The following ROBO1 variants were observed in gnomAD, a reference collection of about 807,000 sequenced individuals.
The protein encoded by ROBO1 is roundabout homolog 1.
A neutral mutation model predicts 195.9 loss-of-function variants in ROBO1; 149 were observed. That is an observed-to-expected ratio of 0.76 (90% CI 0.67 to 0.87). ROBO1 has a LOEUF of 0.87. Ranked by LOEUF, ROBO1 falls within the 40% of genes least tolerant of loss-of-function variation. The pLI, the probability that ROBO1 is intolerant of heterozygous loss-of-function variation, is 0.00. For missense variants in ROBO1, 1,933 were observed against 2,068.3 expected, an observed-to-expected ratio of 0.93 and a Z score of 1.27; for synonymous variants, 816 against 733.2, an observed-to-expected ratio of 1.11 and a Z score of -1.82.
intron 4 of ROBO1, among the ~76,000 whole-genome samples, chr3:78,809,296 C>CA (rs2084651955): frequency 6.6e-6 from 1 of 152,072 alleles, no homozygotes; most frequent in Non-Finnish European, 1.5e-5. Context: ...TATGAGATGC[C>CA]ATCACATCAG....
chr3:79,115,887 C>G (rs1256005454), intron 3 of ROBO1, among the ~76,000 whole-genome samples: 1 of 151,920 alleles, frequency 6.6e-6, no homozygotes, highest in Admixed American at 6.6e-5. Flanking sequence ...TTGCTTCCAA[C>G]AAAAAAATTA....
At chr3:79,548,966 G>T (rs76828671) in intron 2 of ROBO1, among the ~76,000 whole-genome samples, 3,814 of 152,170 alleles carry the variant, frequency 0.025, 78 homozygotes, top group Non-Finnish European at 0.037. Flanking sequence ...AGAGAATCTG[G>T]GGTCATTGCC....
chr3:79,736,672 A>G (rs1703402813), intron 1 of ROBO1, among the ~76,000 whole-genome samples: 1 of 152,142 alleles, frequency 6.6e-6, no homozygotes, highest in African/African-American at 2.4e-5. Context: ...ATGTCAGGCT[A>G]CTCCTGAGAT....
chr3:78,734,272 T>C (rs1299384377), intron 5 of ROBO1, among the ~76,000 whole-genome samples: 1 of 151,972 alleles, frequency 6.6e-6, no homozygotes, highest in African/African-American at 2.4e-5. Flanking sequence ...GAAACTAACA[T>C]GTGAGTGGAA....
chr3:79,717,704 A>G (rs528547755), intron 1 of ROBO1, among the ~76,000 whole-genome samples: 15 of 152,124 alleles, frequency 9.9e-5, no homozygotes, highest in African/African-American at 3.6e-4. Flanking sequence ...GAATGCATAT[A>G]TGTTAGAAGT....
intron 2 of ROBO1, among the ~76,000 whole-genome samples, chr3:79,214,204 T>G (rs963481813): frequency 1.3e-5 from 2 of 152,034 alleles, no homozygotes; most frequent in Non-Finnish European, 2.9e-5. Flanking sequence ...TTGATTCAGA[T>G]TTTTTCAATT....
intron 4 of ROBO1, among the ~76,000 whole-genome samples, chr3:78,799,076 G>T (rs991287631): frequency 6.6e-6 from 1 of 152,118 alleles, no homozygotes; most frequent in African/African-American, 2.4e-5. Flanking sequence ...CATATAGTGG[G>T]TTCCAATGAT....
intron 4 of ROBO1, among the ~76,000 whole-genome samples, chr3:78,930,117 G>A (rs1333081876): frequency 1.3e-5 from 2 of 152,130 alleles, no homozygotes; most frequent in East Asian, 3.9e-4. Flanking sequence ...TGCTCTCAAA[G>A]TAGTGTTTGA....
intron 2 of ROBO1, among the ~76,000 whole-genome samples, chr3:79,200,368 C>T (rs2081739547): frequency 6.6e-6 from 1 of 151,166 alleles, no homozygotes; most frequent in African/African-American, 2.4e-5. Flanking sequence ...TTTTTGTTAG[C>T]TATTGATAGA....
At chr3:78,760,316 G>T (rs1396407021) in intron 4 of ROBO1, among the ~76,000 whole-genome samples, 2 of 152,042 alleles carry the variant, frequency 1.3e-5, no homozygotes, top group Non-Finnish European at 2.9e-5. Context: ...AAATCTAAAG[G>T]TACCCTGGTA....
At chr3:79,069,361 G>T (rs1218166950) in intron 3 of ROBO1, among the ~76,000 whole-genome samples, 2 of 151,702 alleles carry the variant, frequency 1.3e-5, no homozygotes, top group South Asian at 2.1e-4. Flanking sequence ...GATGTACTTG[G>T]ATTAACCTGA....
chr3:78,909,214 A>G (rs2038101132), intron 4 of ROBO1, among the ~76,000 whole-genome samples: 1 of 151,852 alleles, frequency 6.6e-6, no homozygotes, highest in Non-Finnish European at 1.5e-5. Flanking sequence ...GCCTACATAT[A>G]TTAGAAATAT....
intron 3 of ROBO1, among the ~76,000 whole-genome samples, chr3:78,964,978 T>C (rs1368352696): frequency 6.6e-6 from 1 of 151,850 alleles, no homozygotes; most frequent in Non-Finnish European, 1.5e-5. Flanking sequence ...TATGTTTCAC[T>C]CTGAGAACGC....
intron 2 of ROBO1, among the ~76,000 whole-genome samples, chr3:79,305,180 C>T (rs2033158746): frequency 6.6e-6 from 1 of 152,182 alleles, no homozygotes; most frequent in Middle Eastern, 3.4e-3. Flanking sequence ...TTTAATCCTT[C>T]CTCTATGTTT....
At chr3:78,836,873 A>C (rs2032783823) in intron 4 of ROBO1, among the ~76,000 whole-genome samples, 1 of 152,168 alleles carries the variant, frequency 6.6e-6, no homozygotes, top group Non-Finnish European at 1.5e-5. Flanking sequence ...TTTCATACTA[A>C]AAGAAAGGGG....
intron 2 of ROBO1, among the ~76,000 whole-genome samples, chr3:79,568,006 G>C (rs938317966): frequency 6.6e-6 from 1 of 151,828 alleles, no homozygotes; most frequent in Non-Finnish European, 1.5e-5. Flanking sequence ...CTTCTTCTAC[G>C]GCTAATGAAA....
intron 4 of ROBO1, 21 bp downstream of exon 4, chr3:78,938,580 C>T (rs752957612): frequency 1.2e-5 from 19 of 1,586,364 alleles, no homozygotes; most frequent in Non-Finnish European, 1.6e-5. Flanking sequence ...CTGCCAAACA[C>T]AGAGCGCCCA....
intron 2 of ROBO1, among the ~76,000 whole-genome samples, chr3:79,503,277 C>T (rs1404245080): frequency 1.3e-5 from 2 of 152,282 alleles, no homozygotes; most frequent in Admixed American, 6.5e-5. Context: ...CAGCTTCACT[C>T]CTGAGCCAGG....
chr3:78,792,811 A>C lies in ROBO1; in HGVS notation c.500-45911T>G, dbSNP rs17016523. Among the ~76,000 whole-genome samples the C allele has an allele frequency of 8.9e-3, 1,352 of 152,292 alleles. 18 individuals carry two copies. Among genetic ancestry groups the C allele is most frequent in the African/African-American group, 0.03 (1,256 of 41,558 alleles). ...TAAATCAACTTTCTATATTGGAAACAGTCTTTACCTAGACACAGTGGCTCA... is the reference window on the plus strand; with the variant it reads ...TAAATCAACTTTCTATATTGGAAACCGTCTTTACCTAGACACAGTGGCTCA... On this transcript the variant is annotated intron_variant, in intron 4 of 30. Coordinates refer to ENST00000464233, the MANE Select transcript of ROBO1 (RefSeq NM_002941.4).
Sources: gnomAD v4.1 joint callset for allele counts (sites outside exome capture counted in the v4.1 genomes callset) on GRCh38, gnomAD v4.1.1 for gene constraint, MANE v1.5 for transcripts, NCBI Gene and HGNC (gene_info 2026-07-23, HGNC 2026-07-21) for gene names.